The following RAB33B variants were observed in gnomAD, a reference collection of about 807,000 sequenced individuals.
The protein encoded by RAB33B is RAB33B, member RAS oncogene family.
In RAB33B, 6 loss-of-function variants were observed where a neutral mutation model predicts 15.0. That is an observed-to-expected ratio of 0.40 (90% CI 0.22 to 0.79). RAB33B has a LOEUF of 0.79. RAB33B is among the 30% of genes least tolerant of loss of function. The pLI is 0.37. For synonymous variants in RAB33B, 117 were observed against 108.3 expected (o/e 1.08, Z -0.50); for missense variants, 257 against 296.4 (o/e 0.87, Z 0.98).
chr4:139,454,363 C>A lies in RAB33B; in HGVS notation c.168C>A (p.Gly56=), dbSNP rs1177844064. The A allele has an allele frequency of 6.2e-7, 1 of 1,613,954 alleles. No homozygotes were observed. The highest frequency in any genetic ancestry group is 1.7e-5 in the Admixed American group (1 of 60,022). Residue 56 remains glycine, a synonymous_variant, in exon 1 of 2, where the codon GGC becomes GGA. Transcript: ENST00000305626. ...GCCTGACCTACCGCTTCTGCGCTGG[C>A]CGCTTCCCCGACCGCACCGAGGCCA... ...KTCLTYRFCA[G]RFPDRTEATI...
chr4:139,462,779 T>C (rs1750199479), intron 1 of RAB33B, among the ~76,000 whole-genome samples: 1 of 152,236 alleles, frequency 6.6e-6, no homozygotes, highest in Admixed American at 6.5e-5. Context: ...TTGGTCTGTG[T>C]TCACTTAAAC....
chr4:139,440,541 G>A, the RAB33B span, among the ~76,000 whole-genome samples: 1 of 152,096 alleles, frequency 6.6e-6, no homozygotes, highest in Admixed American at 6.5e-5. Context: ...AGGAACATGT[G>A]CACAGCTGCG....
At position 139,474,916 on chromosome 4, in the gene RAB33B, A is replaced by G. The variant is rs564915149; in HGVS notation, c.*1790A>G. The G allele has an allele frequency of 1.3e-5, 2 of 152,604 alleles. No homozygotes were observed. The highest frequency in any genetic ancestry group is 4.8e-5 in the African/African-American group (2 of 41,464). The allele number at this position is 152,604 out of a possible 1,614,324, so 9.5% of individuals were successfully genotyped here. ...AGTATTTTCAGAATATGGGAAATCA[A>G]TTAAAAATGTAATCTAATCTAGTTT... On this transcript the variant is annotated 3_prime_UTR_variant, in exon 2 of 2. Transcript: ENST00000305626.
Position 139,473,170 on chromosome 4 carries a change from C to T in RAB33B, c.*44C>T. On this transcript the variant is annotated 3_prime_UTR_variant, in exon 2 of 2. Transcript: ENST00000305626. ...TTATCTAATTTTGACTAAAGAAATA[C>T]TTTTGAAGTATGACAGTATTAAGTC... 2 of 1,469,618 alleles carry T rather than the reference C, an allele frequency of 1.4e-6. No homozygotes were observed. The highest frequency in any genetic ancestry group is 1.8e-6 in the Non-Finnish European group (2 of 1,091,950). The allele number at this position is 1,469,618 out of a possible 1,614,324, so 91.0% of individuals were successfully genotyped here. A position where few individuals can be genotyped will look rare whatever the true frequency, so the allele number is the denominator to read the frequency against.
chr4:139,454,903 T>C (rs1031410402), intron 1 of RAB33B, among the ~76,000 whole-genome samples: 1 of 152,234 alleles, frequency 6.6e-6, no homozygotes, highest in African/African-American at 2.4e-5. Context: ...TTAGATGTTG[T>C]GGAAGTAAAG....
the RAB33B span, among the ~76,000 whole-genome samples, chr4:139,440,770 G>A: frequency 1.3e-5 from 2 of 152,016 alleles, no homozygotes; most frequent in African/African-American, 4.8e-5. Flanking sequence ...TCACCACCAC[G>A]CCTGGCTAAT....
rs150536664 is a variant in RAB33B, at chr4:139,472,773, G to A, written c.337G>A (p.Val113Met). The change falls in exon 2 of 2, where the codon GTG (valine) becomes ATG (methionine). Residue 113 changes from valine (V) to methionine (M), a missense_variant. Transcript: ENST00000305626. ...CAGAAATGTACATGCTGTTGTCTTCGTGTATGATATGACCAACATGGCTAG... is the reference window on the plus strand; with the variant it reads ...CAGAAATGTACATGCTGTTGTCTTCATGTATGATATGACCAACATGGCTAG... Reference protein sequence around the residue: ...YYRNVHAVVFVYDMTNMASFH... With the variant: ...YYRNVHAVVFMYDMTNMASFH... 8.1e-5 allele frequency: 130 copies of A among 1,613,894 alleles called. 2 individuals are homozygous for A. In the South Asian group the frequency reaches 9.0e-4, roughly 11 times the overall value.
rs1750336796 is a variant in RAB33B, at chr4:139,468,701, C to T, written c.250-3985C>T. On this transcript the variant is annotated intron_variant, in intron 1 of 1. Coordinates refer to ENST00000305626, the MANE Select transcript of RAB33B (RefSeq NM_031296.3). Reference sequence around the variant, plus strand: ...ATGTATTGCTCGTTAATGTCCTTTTCTTTCTGATTGAAGTGCTGCCTTCAG... The same window carrying T: ...ATGTATTGCTCGTTAATGTCCTTTTTTTTCTGATTGAAGTGCTGCCTTCAG... 9.9e-5 allele frequency among the ~76,000 whole-genome samples: 15 copies of T among 152,274 alleles called. No homozygotes were observed. The South Asian group carries it at 3.1e-3, about 32-fold the overall frequency.
Position 139,464,386 on chromosome 4 carries a change from G to GTTTTT in RAB33B, c.250-8278_250-8274dup, listed in dbSNP as rs372330119. Among the ~76,000 whole-genome samples the GTTTTT allele has an allele frequency of 1.5e-3, 154 of 101,734 alleles. 14 individuals are homozygous for GTTTTT. The highest frequency in any genetic ancestry group is 2.4e-3 in the Non-Finnish European group (122 of 50,868). 66.7% of individuals were successfully genotyped at this position (101,734 alleles called of 152,430 possible). Reference sequence around the variant, plus strand: ...CGGGATTGATGGGAAGAGGAATACTGTTTTTTTTTTTTTTTTTTTTTTTTT... The same window carrying GTTTTT: ...CGGGATTGATGGGAAGAGGAATACTGTTTTTTTTTTTTTTTTTTTTTTTTTTTTTT... On this transcript the variant is annotated intron_variant, in intron 1 of 1. Coordinates refer to ENST00000305626, the MANE Select transcript of RAB33B (RefSeq NM_031296.3).
upstream of RAB33B, chr4:139,451,302 G>A (rs1340248850): frequency 6.6e-6 from 1 of 151,038 alleles, no homozygotes; most frequent in East Asian, 2.0e-4. Context: ...CTGGGCTCAA[G>A]AGATCCTCCA....
At chr4:139,467,835 G>T (rs1419072872) in intron 1 of RAB33B, among the ~76,000 whole-genome samples, 1 of 150,144 alleles carries the variant, frequency 6.7e-6, no homozygotes, top group Non-Finnish European at 1.5e-5. Flanking sequence ...TCCAGCCTGG[G>T]CAATAGAGCA....
chr4:139,441,872 C>A, the RAB33B span, among the ~76,000 whole-genome samples: 3 of 152,132 alleles, frequency 2.0e-5, no homozygotes, highest in African/African-American at 7.2e-5. Flanking sequence ...CCTATTCTGC[C>A]ATTTTCCTAG....
intron 1 of RAB33B, among the ~76,000 whole-genome samples, chr4:139,461,693 C>T (rs1010398522): frequency 6.6e-6 from 1 of 151,878 alleles, no homozygotes; most frequent in African/African-American, 2.4e-5. Context: ...GTATTTTTTC[C>T]TCTAAGGTGA....
chr4:139,443,305 T>C, the RAB33B span, among the ~76,000 whole-genome samples: 1 of 152,152 alleles, frequency 6.6e-6, no homozygotes, highest in African/African-American at 2.4e-5. Flanking sequence ...CATGAACTTT[T>C]TAGAGAGTTA....
Position 139,473,438 on chromosome 4 carries a change from T to C in RAB33B, c.*312T>C, listed in dbSNP as rs1002444901. Reference sequence around the variant, plus strand: ...TCAGTAACCATTCAATCTTTTGTCCTAGGATTGGAAAAAAATGTTAAAGGT... The same window carrying C: ...TCAGTAACCATTCAATCTTTTGTCCCAGGATTGGAAAAAAATGTTAAAGGT... On this transcript the variant is annotated 3_prime_UTR_variant, in exon 2 of 2. Transcript: ENST00000305626. The C allele has an allele frequency of 2.9e-5, 9 of 315,030 alleles. No homozygotes were observed. Among genetic ancestry groups the C allele is most frequent in the Admixed American group, 1.4e-4 (3 of 22,010 alleles). The allele number at this position is 315,030 out of a possible 1,614,324, so 19.5% of individuals were successfully genotyped here. A position where few individuals can be genotyped will look rare whatever the true frequency, so the allele number is the denominator to read the frequency against.
intron 1 of RAB33B, among the ~76,000 whole-genome samples, chr4:139,456,622 T>C (rs1435383271): frequency 1.3e-5 from 2 of 152,218 alleles, no homozygotes; most frequent in Non-Finnish European, 2.9e-5. Context: ...CTACTGAACT[T>C]TAGCCTAACT....
At chr4:139,464,616 C>T (rs1357372915) in intron 1 of RAB33B, among the ~76,000 whole-genome samples, 1 of 152,082 alleles carries the variant, frequency 6.6e-6, no homozygotes. Flanking sequence ...TCAATTCCCA[C>T]CTATGGGTGA....
Position 139,473,225 on chromosome 4 carries a change from A to T in RAB33B, c.*99A>T, listed in dbSNP as rs1464859807. 9.7e-7 allele frequency: 1 copy of T among 1,033,402 alleles called. No homozygotes were observed. Among genetic ancestry groups the T allele is most frequent in the East Asian group, 2.6e-5 (1 of 38,032 alleles). 64.0% of individuals were successfully genotyped at this position (1,033,402 alleles called of 1,614,324 possible). A position where few individuals can be genotyped will look rare whatever the true frequency, so the allele number is the denominator to read the frequency against. On this transcript the variant is annotated 3_prime_UTR_variant, in exon 2 of 2. Transcript: ENST00000305626. ...GATTTAATCTCAACTATAATGGGTC[A>T]TCTTGACACTTTGCTGTTTGTCATT...
intron 1 of RAB33B, 63 bp from the exon 2 acceptor site, chr4:139,472,623 A>G: frequency 8.5e-7 from 1 of 1,175,948 alleles, no homozygotes; most frequent in Non-Finnish European, 1.2e-6. Flanking sequence ...AGATGATTAC[A>G]TTTCTTGATA....
Sources: allele counts gnomAD v4.1 joint callset (sites outside exome capture counted in the v4.1 genomes callset), GRCh38; gene constraint gnomAD v4.1.1; transcripts MANE v1.5; gene names NCBI Gene and HGNC (gene_info 2026-07-23, HGNC 2026-07-21).